EMG1: variants seen among roughly 807,000 people sequenced by gnomAD.
EMG1 encodes EMG1 N1-specific pseudouridine methyltransferase, also known as ribosomal RNA small subunit methyltransferase NEP1.
Under a neutral mutation model 26.9 loss-of-function variants are expected in EMG1, and 24 were observed. The ratio of observed to expected loss-of-function variants is 0.89; its 90% CI spans 0.65 to 1.26. The LOEUF (loss-of-function observed/expected upper bound fraction) is 1.26, where lower values mean the gene tolerates loss of function less well. EMG1 is among the 50% of genes most tolerant of loss of function. The probability of loss-of-function intolerance (pLI) is 0.00; values close to 1 mark genes in which losing one functional copy is unlikely to be tolerated. For synonymous variants in EMG1, 140 were observed against 112.6 expected (o/e 1.24, Z -1.54); for missense variants, 299 against 307.6 (o/e 0.97, Z 0.21).
intron 6 of EMG1, among the ~76,000 whole-genome samples, chr12:6,986,719 GTTGCAGTGAGCAGAGA>G (rs1376537776): frequency 8.8e-5 from 13 of 147,726 alleles, no homozygotes; most frequent in Non-Finnish European, 1.5e-4. Context: ...GGAGGCAGAG[GTTGCAGTGAGCAGAGA>G]TTGCAGTGAG....
At position 6,978,037 on chromosome 12, in the gene EMG1, AGTG is replaced by A. The variant is rs1946428887; in HGVS notation, c.*2233_*2235del. 6 of 553,062 alleles carry A rather than the reference AGTG, an allele frequency of 1.1e-5. No individual in the cohort carries two copies. Among genetic ancestry groups the A allele is most frequent in the Non-Finnish European group, 1.6e-5 (5 of 310,064 alleles). The allele number at this position is 553,062 out of a possible 1,614,324, so 34.3% of individuals were successfully genotyped here. ...ACTCTACTCAAGCTGCCCACACTCT[AGTG>A]GTGGGGACAAACAAGTAAAGCTGTT... On this transcript the variant is annotated 3_prime_UTR_variant, in exon 6 of 6. Transcript: ENST00000599672.
Position 6,978,272 on chromosome 12 carries a change from C to T in EMG1, c.*2463C>T, listed in dbSNP as rs781922666. On this transcript the variant is annotated 3_prime_UTR_variant, in exon 6 of 6. Transcript: ENST00000599672. ...ACGCATAGGGGTGACATGGTACACC[C>T]CTGCCCTCCAATCTGGGAAGACAGT... The T allele has an allele frequency of 9.8e-5, 151 of 1,536,072 alleles. 1 individual carries two copies. Among genetic ancestry groups the T allele is most frequent in the Middle Eastern group, 4.8e-4 (2 of 4,154 alleles).
intron 3 of EMG1, 193 bp from the exon 4 acceptor site, chr12:6,974,897 G>T: frequency 1.3e-6 from 1 of 795,314 alleles, no homozygotes. Context: ...CTGAGTGAAA[G>T]AGGGAGTCTG....
At chr12:6,982,036 G>A, downstream of EMG1, 1 of 628,710 alleles carries the variant, frequency 1.6e-6, no homozygotes, top group East Asian at 2.7e-5. Context: ...CCTACAAATG[G>A]AGGTGCTGAA....
At chr12:6,996,768 T>C (rs1452263673) in intron 7 of EMG1, among the ~76,000 whole-genome samples, 2 of 152,224 alleles carry the variant, frequency 1.3e-5, no homozygotes, top group African/African-American at 4.8e-5. Context: ...CTGTATGGAA[T>C]AGCCAATGTT....
rs1478676524 is a variant in EMG1, at chr12:6,978,096, A to C, written c.*2287A>C. 2 of 561,648 alleles carry C rather than the reference A, an allele frequency of 3.6e-6. No homozygotes were observed. The highest frequency in any genetic ancestry group is 3.1e-6 in the Non-Finnish European group (1 of 318,288). 34.8% of individuals were successfully genotyped at this position (561,648 alleles called of 1,614,324 possible). ...ACAGGGCAGTGGAGGACATAAGTCC[A>C]TTGGCAGAGCTGGAGTAACACCCAG... On this transcript the variant is annotated 3_prime_UTR_variant, in exon 6 of 6. Coordinates refer to ENST00000599672, the MANE Select transcript of EMG1 (RefSeq NM_006331.8).
intron 1 of EMG1, 59 bp from the exon 2 acceptor site, chr12:6,974,280 C>T: frequency 7.7e-7 from 1 of 1,302,884 alleles, no homozygotes; most frequent in Non-Finnish European, 1.1e-6. Flanking sequence ...ACTTGAAGAA[C>T]CACGGGGCTA....
downstream of EMG1, among the ~76,000 whole-genome samples, chr12:6,984,660 C>T (rs1274245977): frequency 6.6e-6 from 1 of 152,216 alleles, no homozygotes; most frequent in Admixed American, 6.5e-5. Context: ...GATCATCGCT[C>T]ACTGCAGCCT....
In EMG1 at chr12:6,977,697, C is replaced by T; in HGVS notation, c.*1888C>T. ...GGGCCAGGAATAGCAACGAGAGACC[C>T]TGAGAGAGTTCTTTATTTCCAAGGA... On this transcript the variant is annotated 3_prime_UTR_variant, in exon 6 of 6. Coordinates refer to ENST00000599672, the MANE Select transcript of EMG1 (RefSeq NM_006331.8). This position sits in a 1 kb window ranked among gnomAD's most constrained non-coding sequence, Gnocchi z 4.5. The T allele has an allele frequency of 3.7e-6, 6 of 1,614,204 alleles. No homozygotes were observed. The highest frequency in any genetic ancestry group is 5.1e-6 in the Non-Finnish European group (6 of 1,180,040).
chr12:6,990,574 C>T (rs1190491050), downstream of EMG1, among the ~76,000 whole-genome samples: 4 of 146,602 alleles, frequency 2.7e-5, no homozygotes, highest in Non-Finnish European at 4.5e-5. Flanking sequence ...AATTGAGCAC[C>T]CCAAACAACT....
chr12:6,994,431 C>T (rs981402019), intron 7 of EMG1, among the ~76,000 whole-genome samples: 2 of 152,132 alleles, frequency 1.3e-5, no homozygotes, highest in African/African-American at 4.8e-5. Flanking sequence ...TAGTCTCGAA[C>T]TCCTGACCTC....
downstream of EMG1, among the ~76,000 whole-genome samples, chr12:6,984,457 C>G (rs1946502048): frequency 6.6e-6 from 1 of 152,200 alleles, no homozygotes; most frequent in South Asian, 2.1e-4. Context: ...TGGCAACATC[C>G]CCACTGCACT....
chr12:6,982,247 C>T (rs782199231), downstream of EMG1, among the ~76,000 whole-genome samples: 10 of 152,178 alleles, frequency 6.6e-5, no homozygotes, highest in East Asian at 3.9e-4. Flanking sequence ...CCATGTTGCC[C>T]GGGTTAGTCT....
intron 2 of EMG1, 42 bp downstream of exon 2, chr12:6,974,482 A>G (rs782820403): frequency 6.8e-6 from 11 of 1,607,646 alleles, no homozygotes; most frequent in African/African-American, 1.3e-5. Flanking sequence ...GAGCCTCTGT[A>G]TGGAAGGGTT....
downstream of EMG1, among the ~76,000 whole-genome samples, chr12:6,980,403 G>A (rs1428031939): frequency 6.6e-6 from 1 of 152,072 alleles, no homozygotes; most frequent in Admixed American, 6.6e-5. Flanking sequence ...AGAATGGAGT[G>A]CAGTGGTGTG....
chr12:6,982,547 A>C (rs1260049952), downstream of EMG1: 2 of 665,126 alleles, frequency 3.0e-6, no homozygotes, highest in African/African-American at 3.6e-5. Context: ...ACCTGAAGTC[A>C]TACTGCTAAG....
rs1432950474 is a variant in EMG1 at position 6,976,083 on chromosome 12, G to A, written c.*274G>A. ...TACAGAGTTTGCAGTTTGGTTCCATGCTTTGAAGGCAGGCTTTAGCTCCCA... is the reference window on the plus strand; with the variant it reads ...TACAGAGTTTGCAGTTTGGTTCCATACTTTGAAGGCAGGCTTTAGCTCCCA... On this transcript the variant is annotated 3_prime_UTR_variant, in exon 6 of 6. Transcript: ENST00000599672. 14 of 335,558 alleles carry A rather than the reference G, an allele frequency of 4.2e-5. No homozygotes were observed. The highest frequency in any genetic ancestry group is 6.6e-5 in the Non-Finnish European group (12 of 182,006). The allele number at this position is 335,558 out of a possible 1,614,324, so 20.8% of individuals were successfully genotyped here. A position where few individuals can be genotyped will look rare whatever the true frequency, so the allele number is the denominator to read the frequency against.
chr12:6,978,758 T>G lies in EMG1; in HGVS notation c.*2949T>G. The G allele has an allele frequency of 6.3e-7, 1 of 1,586,562 alleles. No individual in the cohort carries two copies. Among genetic ancestry groups the G allele is most frequent in the South Asian group, 1.2e-5 (1 of 86,562 alleles). On this transcript the variant is annotated 3_prime_UTR_variant, in exon 6 of 6. Transcript: ENST00000599672. ...AGGCAGTTTCTCTCAGCACTCTTCC[T>G]TTTCACACTTGTGGCTGGCTACTTC...
intron 1 of EMG1, 27 bp from the exon 2 acceptor site, chr12:6,974,312 T>A (rs1457292138): frequency 1.3e-6 from 2 of 1,535,402 alleles, no homozygotes; most frequent in Non-Finnish European, 1.8e-6. Context: ...CTTATGCTGT[T>A]CTCTCGTCAT....
Sources: allele counts gnomAD v4.1 joint callset (sites outside exome capture counted in the v4.1 genomes callset), GRCh38; gene constraint gnomAD v4.1.1; non-coding constraint Gnocchi (gnomAD v3.1); transcripts MANE v1.5; gene names NCBI Gene and HGNC (gene_info 2026-07-23, HGNC 2026-07-21).